The following LUZP1 variants were observed in gnomAD, a reference collection of about 807,000 sequenced individuals.
The protein encoded by LUZP1 is leucine zipper protein 1, also known as filamin mechanobinding actin cross-linking protein.
In LUZP1, 25 loss-of-function variants were observed where a neutral mutation model predicts 71.3. The observed-to-expected ratio is 0.35, with a 90% CI of 0.26 to 0.49. The LOEUF (loss-of-function observed/expected upper bound fraction) is 0.49, where lower values mean the gene tolerates loss of function less well. Ranked by LOEUF, LUZP1 falls within the 20% of genes least tolerant of loss-of-function variation. The probability of loss-of-function intolerance (pLI) is 0.99; values close to 1 mark genes in which losing one functional copy is unlikely to be tolerated. For missense variants in LUZP1, 1,142 were observed against 1,300.8 expected, an observed-to-expected ratio of 0.88 and a Z score of 1.88; for synonymous variants, 481 against 506.4, an observed-to-expected ratio of 0.95 and a Z score of 0.67.
At chr1:23,141,690 T>C (rs1006894813) in intron 2 of LUZP1, among the ~76,000 whole-genome samples, 1 of 152,080 alleles carries the variant, frequency 6.6e-6, no homozygotes, top group Admixed American at 6.5e-5. Flanking sequence ...CTAATTTTTG[T>C]GTTTTTTTGG....
At chr1:23,158,647 CAAAAAAAAAAAAAAAAAAA>C (rs56919514) in intron 2 of LUZP1, among the ~76,000 whole-genome samples, 11 of 59,916 alleles carry the variant, frequency 1.8e-4, no homozygotes, top group Non-Finnish European at 4.0e-4. Flanking sequence ...GACTCTGTCT[CAAAAAAAAAAAAAAAAAAA>C]AAAAAAAAAA....
intron 2 of LUZP1, among the ~76,000 whole-genome samples, chr1:23,143,065 G>A (rs1347310842): frequency 1.3e-5 from 2 of 151,850 alleles, no homozygotes; most frequent in Non-Finnish European, 2.9e-5. Flanking sequence ...GTGGAGTGCA[G>A]TGGCATGATC....
At chr1:23,143,734 C>T (rs1036064467) in intron 2 of LUZP1, among the ~76,000 whole-genome samples, 7 of 152,168 alleles carry the variant, frequency 4.6e-5, no homozygotes, top group Non-Finnish European at 8.8e-5. Context: ...CACAGTAATA[C>T]ATCCCAGCAT....
At chr1:23,154,241 T>C (rs1644404600) in intron 2 of LUZP1, among the ~76,000 whole-genome samples, 1 of 152,134 alleles carries the variant, frequency 6.6e-6, no homozygotes, top group Non-Finnish European at 1.5e-5. Flanking sequence ...ATCTTGATTG[T>C]GGTGGTGGTT....
At chr1:23,143,430 C>T (rs1644320477) in intron 2 of LUZP1, among the ~76,000 whole-genome samples, 1 of 152,150 alleles carries the variant, frequency 6.6e-6, no homozygotes, top group African/African-American at 2.4e-5. Flanking sequence ...ACTGGAAATG[C>T]ACATACTTAG....
At chr1:23,175,951 G>C (rs1336027656) in intron 1 of LUZP1, among the ~76,000 whole-genome samples, 1 of 152,094 alleles carries the variant, frequency 6.6e-6, no homozygotes, top group Non-Finnish European at 1.5e-5. Flanking sequence ...CAGCTGGTAA[G>C]TGGCAAAATT....
intron 2 of LUZP1, among the ~76,000 whole-genome samples, chr1:23,140,092 A>C (rs10917352): frequency 0.17 from 26,195 of 151,980 alleles, 2,321 homozygotes; most frequent in East Asian, 0.27. Context: ...CCACCCTACT[A>C]CTACCCCCAC....
intron 2 of LUZP1, among the ~76,000 whole-genome samples, chr1:23,164,361 G>A (rs1271834789): frequency 6.6e-6 from 1 of 152,092 alleles, no homozygotes; most frequent in African/African-American, 2.4e-5. Context: ...CGGGCATGGT[G>A]GCGGGTGCCT....
chr1:23,124,360 A>G (rs1644154047), intron 2 of LUZP1, among the ~76,000 whole-genome samples: 1 of 152,184 alleles, frequency 6.6e-6, no homozygotes, highest in Non-Finnish European at 1.5e-5. Flanking sequence ...CAACTCTGGT[A>G]TCTTCTGCCA....
In LUZP1 at chr1:23,142,955, G is replaced by A. The variant is rs565166211; in HGVS notation, c.-226+25811C>T. Reference sequence around the variant, plus strand: ...CTGAGGCAGCAGGAGGATCGCTTGAGCTCAGGAGTTTGAAACCAGCCTGGG... The same window carrying A: ...CTGAGGCAGCAGGAGGATCGCTTGAACTCAGGAGTTTGAAACCAGCCTGGG... On this transcript the variant is annotated intron_variant, in intron 2 of 4. Coordinates refer to ENST00000302291, the Ensembl canonical transcript of LUZP1. 2.2e-3 allele frequency among the ~76,000 whole-genome samples: 328 copies of A among 151,658 alleles called. 1 individual carries two copies. Among genetic ancestry groups the A allele is most frequent in the Non-Finnish European group, 3.6e-3 (244 of 68,000 alleles).
At chr1:23,110,633 C>CATAT (rs56065150) in intron 2 of LUZP1, among the ~76,000 whole-genome samples, 2 of 121,000 alleles carry the variant, frequency 1.7e-5, no homozygotes, top group African/African-American at 3.0e-5. Context: ...AACGCGCACA[C>CATAT]ATACACACAC....
chr1:23,139,009 A>AT (rs1557672626), intron 2 of LUZP1, among the ~76,000 whole-genome samples: 1 of 99,376 alleles, frequency 1.0e-5, no homozygotes, highest in African/African-American at 4.8e-5. Context: ...AAAAAAAAAA[A>AT]AAAAAAAAAA....
chr1:23,158,647 C>CAAAAAAAA (rs56919514), intron 2 of LUZP1, among the ~76,000 whole-genome samples: 14 of 59,914 alleles, frequency 2.3e-4, no homozygotes, highest in African/African-American at 7.7e-4. Flanking sequence ...GACTCTGTCT[C>CAAAAAAAA]AAAAAAAAAA....
chr1:23,138,066 G>A (rs1644268927), intron 2 of LUZP1, among the ~76,000 whole-genome samples: 2 of 152,170 alleles, frequency 1.3e-5, no homozygotes. Context: ...TACCTCCCAG[G>A]TTCAAGCAAT....
Position 23,132,303 on chromosome 1 carries a change from T to TCATA in LUZP1, c.-225-23180_-225-23177dup, listed in dbSNP as rs746328842. On this transcript the variant is annotated intron_variant, in intron 2 of 4. Coordinates refer to ENST00000302291, the Ensembl canonical transcript of LUZP1. ...ATATTCTGAAAGGTCAAACACCTGG[T>TCATA]CATAAGCTAAAGAATCCTTGACACT... 7.2e-5 allele frequency among the ~76,000 whole-genome samples: 11 copies of TCATA among 152,182 alleles called. 1 individual carries two copies. In the East Asian group the frequency reaches 9.6e-4, roughly 13 times the overall value.
chr1:23,118,890 G>T (rs1644107119), intron 2 of LUZP1, among the ~76,000 whole-genome samples: 1 of 152,120 alleles, frequency 6.6e-6, no homozygotes, highest in Admixed American at 6.6e-5. Context: ...ACCTCTACCT[G>T]TCCTTTTGGT....
rs1439366120 is a variant in LUZP1, at chr1:23,171,098, A to AT, written c.-484-2075_-484-2074insA. ...ATCGAGACCCTGTCTCAAAAAAAAAAAATATATATATATATATATAATTAC... is the reference window on the plus strand; with the variant it reads ...ATCGAGACCCTGTCTCAAAAAAAAAATAATATATATATATATATATAATTAC... On this transcript the variant is annotated intron_variant, in intron 1 of 4. Coordinates refer to ENST00000302291, the Ensembl canonical transcript of LUZP1. Among the ~76,000 whole-genome samples, 700 of 141,264 alleles carry AT rather than the reference A, an allele frequency of 5.0e-3. 5 individuals are homozygous for AT. Among genetic ancestry groups the AT allele is most frequent in the Middle Eastern group, 0.022 (6 of 276 alleles). The allele number at this position is 141,264 out of a possible 152,430, so 92.7% of individuals were successfully genotyped here.
chr1:23,116,076 C>G (rs1437380567), intron 2 of LUZP1, among the ~76,000 whole-genome samples: 2 of 151,512 alleles, frequency 1.3e-5, no homozygotes, highest in Non-Finnish European at 2.9e-5. Context: ...TAGCAAGACC[C>G]CATCTCTCCA....
intron 3 of LUZP1, among the ~76,000 whole-genome samples, chr1:23,105,088 G>T (rs1222600069): frequency 6.6e-6 from 1 of 152,218 alleles, no homozygotes; most frequent in Non-Finnish European, 1.5e-5. Flanking sequence ...GATTAAGTAA[G>T]AGAGTAACAC....
Sources: gnomAD v4.1 joint callset for allele counts (sites outside exome capture counted in the v4.1 genomes callset) on GRCh38, gnomAD v4.1.1 for gene constraint, MANE v1.5 for transcripts, NCBI Gene and HGNC (gene_info 2026-07-23, HGNC 2026-07-21) for gene names.